The following ENOX1 variants were observed in gnomAD, a reference collection of about 807,000 sequenced individuals.
ENOX1 encodes the protein ecto-NOX disulfide-thiol exchanger 1.
A neutral mutation model predicts 82.5 loss-of-function variants in ENOX1; 42 were observed. That is an observed-to-expected ratio of 0.51 (90% CI 0.40 to 0.66). The LOEUF (loss-of-function observed/expected upper bound fraction) is 0.66. ENOX1 is among the 30% of genes least tolerant of loss of function. The pLI, the probability that ENOX1 is intolerant of heterozygous loss-of-function variation, is 0.00. For synonymous variants in ENOX1, 271 were observed against 282.2 expected, an observed-to-expected ratio of 0.96 and a Z score of 0.40; for missense variants, 608 against 811.6, an observed-to-expected ratio of 0.75 and a Z score of 3.05.
intron 1 of ENOX1, among the ~76,000 whole-genome samples, chr13:43,708,233 C>G (rs2087449993): frequency 6.6e-6 from 1 of 152,180 alleles, no homozygotes; most frequent in South Asian, 2.1e-4. Context: ...AGCATGCGTA[C>G]AACTTCAATA....
intron 2 of ENOX1, among the ~76,000 whole-genome samples, chr13:43,632,168 T>C (rs1032845684): frequency 2.6e-5 from 4 of 152,186 alleles, no homozygotes; most frequent in Non-Finnish European, 5.9e-5. Flanking sequence ...ACCCTATGTC[T>C]ATGTCTGTCA....
intron 5 of ENOX1, among the ~76,000 whole-genome samples, chr13:43,402,264 T>C (rs76424732): frequency 0.011 from 1,736 of 152,278 alleles, 21 homozygotes; most frequent in Non-Finnish European, 0.02. Flanking sequence ...AAATAAATCA[T>C]GGATGTCAAA....
intron 11 of ENOX1, among the ~76,000 whole-genome samples, chr13:43,309,711 C>T (rs1009283867): frequency 7.2e-5 from 11 of 152,220 alleles, no homozygotes; most frequent in Middle Eastern, 3.4e-3. Flanking sequence ...TATAAACTGT[C>T]TGGATGGATA....
At chr13:43,531,970 T>C (rs1168729174) in intron 2 of ENOX1, among the ~76,000 whole-genome samples, 4 of 151,538 alleles carry the variant, frequency 2.6e-5, no homozygotes, top group Admixed American at 2.6e-4. Context: ...ATATACCTAA[T>C]GCTAAATGAC....
intron 2 of ENOX1, among the ~76,000 whole-genome samples, chr13:43,511,953 CT>C (rs1363580015): frequency 6.6e-6 from 1 of 151,816 alleles, no homozygotes; most frequent in Non-Finnish European, 1.5e-5. Context: ...TATATACAGC[CT>C]ATGGATATTA....
intron 5 of ENOX1, among the ~76,000 whole-genome samples, chr13:43,388,135 C>A (rs1347842249): frequency 6.6e-6 from 1 of 152,108 alleles, no homozygotes; most frequent in Non-Finnish European, 1.5e-5. Context: ...ATGAAGCCTG[C>A]CAGATTGGTG....
Position 43,412,047 on chromosome 13 carries a change from T to C in ENOX1, c.77A>G (p.Asp26Gly). 1 of 1,613,186 alleles carries C rather than the reference T, an allele frequency of 6.2e-7. No individual in the cohort carries two copies. The highest frequency in any genetic ancestry group is 1.3e-5 in the African/African-American group (1 of 74,934). ...GTCTATCGCTATACTCCCCAAACCA[T>C]CGGCTGCTGTGGGGAAAAACAAACC... ...ELPQMMAAAADGLGSIAIDTT... is the reference protein window; with the variant it reads ...ELPQMMAAAAGGLGSIAIDTT... Residue 26 changes from aspartate (D) to glycine (G), a missense_variant, in exon 5 of 17, where the codon GAT becomes GGT. Physicochemically the swap from Asp to Gly is moderately conservative, Grantham distance 94. Transcript: ENST00000690772.
At chr13:43,583,825 T>G (rs2153721151) in intron 2 of ENOX1, among the ~76,000 whole-genome samples, 1 of 31,492 alleles carries the variant, frequency 3.2e-5, no homozygotes, top group African/African-American at 9.6e-5. Context: ...AAACTTTTCT[T>G]TTTTTTTTTT....
intron 12 of ENOX1, among the ~76,000 whole-genome samples, chr13:43,283,616 A>T (rs997519722): frequency 1.4e-5 from 2 of 144,064 alleles, no homozygotes; most frequent in African/African-American, 2.5e-5. Context: ...TAGCTAATTA[A>T]TTTTTTTTTT....
At chr13:43,775,654 G>A (rs376768343) in intron 1 of ENOX1, among the ~76,000 whole-genome samples, 18 of 152,296 alleles carry the variant, frequency 1.2e-4, no homozygotes, top group East Asian at 1.2e-3. Context: ...TAGAGATAGC[G>A]CTAAAGCTTG....
chr13:43,446,168 GTT>G (rs148902875), intron 3 of ENOX1, among the ~76,000 whole-genome samples: 4 of 143,246 alleles, frequency 2.8e-5, no homozygotes, highest in Non-Finnish European at 3.1e-5. Flanking sequence ...CCTGTGCCTT[GTT>G]TTTTTTTTTT....
At chr13:43,488,584 G>T (rs1208090023) in intron 2 of ENOX1, among the ~76,000 whole-genome samples, 1 of 152,204 alleles carries the variant, frequency 6.6e-6, no homozygotes, top group African/African-American at 2.4e-5. Context: ...CTTTGGAATT[G>T]GGTAATGGGT....
chr13:43,734,251 C>T (rs138983724), intron 1 of ENOX1, among the ~76,000 whole-genome samples: 238 of 151,602 alleles, frequency 1.6e-3, no homozygotes, highest in African/African-American at 5.1e-3. Context: ...TGTTTTAATC[C>T]ACCTAGTTTC....
chr13:43,772,877 G>A (rs1223749801), intron 1 of ENOX1, among the ~76,000 whole-genome samples: 1 of 152,076 alleles, frequency 6.6e-6, no homozygotes, highest in Non-Finnish European at 1.5e-5. Flanking sequence ...GCTTGAGATG[G>A]GCTGCTAGCT....
At chr13:43,676,685 A>G (rs1463669259) in intron 1 of ENOX1, among the ~76,000 whole-genome samples, 4 of 152,196 alleles carry the variant, frequency 2.6e-5, no homozygotes, top group Non-Finnish European at 5.9e-5. Flanking sequence ...GCAATTATGC[A>G]TGATCACAGT....
chr13:43,564,842 C>T (rs1326086807), intron 2 of ENOX1, among the ~76,000 whole-genome samples: 1 of 151,986 alleles, frequency 6.6e-6, no homozygotes, highest in African/African-American at 2.4e-5. Flanking sequence ...CCCTGCAGCC[C>T]CTGACTACAA....
At chr13:43,629,314 A>G (rs996286988) in intron 2 of ENOX1, among the ~76,000 whole-genome samples, 1 of 152,042 alleles carries the variant, frequency 6.6e-6, no homozygotes, top group Admixed American at 6.6e-5. Context: ...ATTTCTGGCT[A>G]GAGAGAGTAG....
At chr13:43,511,280 T>G (rs1029984170) in intron 2 of ENOX1, among the ~76,000 whole-genome samples, 1 of 152,176 alleles carries the variant, frequency 6.6e-6, no homozygotes. Flanking sequence ...CAAGCTTCTT[T>G]AAATATAAAA....
chr13:43,667,166 G>T lies in ENOX1; in HGVS notation c.-219+313C>A, dbSNP rs182201479. On this transcript the variant is annotated intron_variant, in intron 2 of 16. Transcript: ENST00000690772. ...TTACATAAGTGTTGAAAAGATAAAG[G>T]CTTCATGATAAGGTGATAAAGATGA... Among the ~76,000 whole-genome samples the T allele has an allele frequency of 2.6e-5, 4 of 152,198 alleles. No homozygotes were observed. The East Asian group carries it at 7.7e-4, about 29-fold the overall frequency.
Sources: gnomAD v4.1 joint callset for allele counts (sites outside exome capture counted in the v4.1 genomes callset) on GRCh38, gnomAD v4.1.1 for gene constraint, MANE v1.5 for transcripts, NCBI Gene and HGNC (gene_info 2026-07-23, HGNC 2026-07-21) for gene names.